PLEKHH1: variants seen among roughly 807,000 people sequenced by gnomAD.
PLEKHH1 encodes pleckstrin homology, MyTH4 and FERM domain containing H1.
A neutral mutation model predicts 160.0 loss-of-function variants in PLEKHH1; 104 were observed. The observed-to-expected ratio is 0.65, with a 90% confidence interval of 0.55 to 0.76. The LOEUF is 0.76. Ranked by LOEUF, PLEKHH1 falls within the 30% of genes least tolerant of loss-of-function variation. The pLI, the probability that PLEKHH1 is intolerant of heterozygous loss-of-function variation, is 0.00. For missense variants in PLEKHH1, 1,427 were observed against 1,724.1 expected (o/e 0.83, Z 3.05); for synonymous variants, 619 against 678.4 (o/e 0.91, Z 1.36).
rs374740302 is a variant in PLEKHH1, at chr14:67,541,880, A to G, written c.13A>G (p.Lys5Glu). The change falls in exon 2 of 29, where the codon AAG becomes GAG. Residue 5 changes from lysine (K) to glutamate (E), a missense_variant. Lys to Glu is a moderately conservative substitution (Grantham distance 56, BLOSUM62 1). Around this residue, in one of 6 missense-constraint regions of PLEKHH1, gnomAD observed 831 missense variants for 929.2 expected, o/e 0.89. Coordinates refer to ENST00000329153, the MANE Select transcript of PLEKHH1 (RefSeq NM_020715.3). Reference protein sequence around the residue: MAELKVEAPASVDWQ... With the variant: MAELEVEAPASVDWQ... ...AGTCGATTCCATCATGGCAGAACTC[A>G]AGGTGGAGGCGCCGGCCAGCGTAGA... The G allele has an allele frequency of 1.2e-6, 2 of 1,601,982 alleles. No homozygotes were observed. Among genetic ancestry groups the G allele is most frequent in the African/African-American group, 2.7e-5 (2 of 74,552 alleles).
At chr14:67,585,798 G>A (rs1240991188) in intron 27 of PLEKHH1, 144 bp downstream of exon 27, 3 of 1,018,978 alleles carry the variant, frequency 2.9e-6, no homozygotes, top group Non-Finnish European at 4.4e-6. Flanking sequence ...CTCTAGTCTA[G>A]ACACTGCTTG....
At chr14:67,572,396 A>T (rs2035431356) in intron 11 of PLEKHH1, 119 bp downstream of exon 11, 49 of 254,340 alleles carry the variant, frequency 1.9e-4, no homozygotes, top group Middle Eastern at 1.2e-3. Flanking sequence ...GAGCTGGGGG[A>T]TGGGGGCAGG....
In PLEKHH1 at chr14:67,581,012, C is replaced by T. The variant is rs776999161; in HGVS notation, c.3258C>T (p.Arg1086=). 3.1e-5 allele frequency: 50 copies of T among 1,611,804 alleles called. No individual in the cohort carries two copies. Among genetic ancestry groups the T allele is most frequent in the Middle Eastern group, 1.6e-4 (1 of 6,074 alleles). The part of the protein sequence containing the change: ...LHPGKSEGGT[R]VVKLMYKNRL... ...CCGGAAAGTCTGAGGGTGGGACACG[C>T]GTCGTGAAGCTGATGTACAAGAACA... The change falls in exon 23 of 29, where the codon CGC becomes CGT. Residue 1086 remains arginine, a synonymous_variant. Coordinates refer to ENST00000329153, the MANE Select transcript of PLEKHH1 (RefSeq NM_020715.3).
intron 2 of PLEKHH1, among the ~76,000 whole-genome samples, chr14:67,547,174 A>C (rs2034214250): frequency 6.6e-6 from 1 of 152,172 alleles, no homozygotes; most frequent in Non-Finnish European, 1.5e-5. Flanking sequence ...AGGCATAGAC[A>C]CGGGAGGAAC....
At position 67,575,047 on chromosome 14, in the gene PLEKHH1, GCCTGCTGTTTT is replaced by G. The variant is rs1451642569; in HGVS notation, c.2089-342_2089-332del. The stretch of plus-strand genomic sequence containing the variant: ...GATGCATGGTTGCCCAAGGGCTTCA[GCCTGCTGTTTT>G]CCCTCCCTCCCTCCCGGCACCCTGA... On this transcript the variant is annotated intron_variant, in intron 14 of 28. Coordinates refer to ENST00000329153, the MANE Select transcript of PLEKHH1 (RefSeq NM_020715.3). Among the ~76,000 whole-genome samples, 4 of 152,314 alleles carry G rather than the reference GCCTGCTGTTTT, an allele frequency of 2.6e-5. No individual in the cohort carries two copies. The East Asian group carries it at 7.7e-4, about 29-fold the overall frequency.
At position 67,569,927 on chromosome 14, in the gene PLEKHH1, G is replaced by A. The variant is rs1331300549; in HGVS notation, c.1349G>A (p.Ser450Asn). ...TCCTCTCTTCCCTGCTCAGCTTCAAGCCCTCCTGCCCTTGTTTCCCCTGGG... is the reference window on the plus strand; with the variant it reads ...TCCTCTCTTCCCTGCTCAGCTTCAAACCCTCCTGCCCTTGTTTCCCCTGGG... ...PRSNTACCAS[S>N]PPALVSPGSF... The change falls in exon 9 of 29, where the codon AGC becomes AAC. Residue 450 changes from serine to asparagine, a missense_variant. Ser to Asn is a conservative substitution (Grantham distance 46, BLOSUM62 1). Around this residue, in one of 6 missense-constraint regions of PLEKHH1, gnomAD observed 831 missense variants for 929.2 expected, o/e 0.89. Coordinates refer to ENST00000329153, the MANE Select transcript of PLEKHH1 (RefSeq NM_020715.3). The A allele has an allele frequency of 1.9e-6, 3 of 1,605,252 alleles. No individual in the cohort carries two copies. The highest frequency in any genetic ancestry group is 3.4e-5 in the Admixed American group (2 of 59,364).
At chr14:67,580,836 A>T in intron 22 of PLEKHH1, 102 bp from the exon 23 acceptor site, 1 of 734,370 alleles carries the variant, frequency 1.4e-6, no homozygotes, top group Non-Finnish European at 2.3e-6. Flanking sequence ...ACTTTTCCTT[A>T]GTTTTCTTTG....
chr14:67,562,795 T>G lies in PLEKHH1; in HGVS notation c.1164T>G (p.Asn388Lys). 1 of 1,613,538 alleles carries G rather than the reference T, an allele frequency of 6.2e-7. No individual in the cohort carries two copies. The highest frequency in any genetic ancestry group is 1.3e-5 in the African/African-American group (1 of 74,946). Residue 388 changes from asparagine (N) to lysine (K), a missense_variant, in exon 7 of 29, where the codon AAT becomes AAG. Physicochemically the swap from Asn to Lys is moderately conservative, Grantham distance 94. Around this residue, in one of 6 missense-constraint regions of PLEKHH1, gnomAD observed 831 missense variants for 929.2 expected, o/e 0.89. Coordinates refer to ENST00000329153, the MANE Select transcript of PLEKHH1 (RefSeq NM_020715.3). ...EMEEPPPAGK[N>K]EERESPKALG... is the part of the protein sequence containing the mutation. ...AGGAGCCACCCCCAGCAGGGAAGAA[T>G]GAGGAAAGAGAGAGCCCAAAGGCCC...
At chr14:67,577,439 C>A in intron 18 of PLEKHH1, 25 bp downstream of exon 18, 1 of 1,392,562 alleles carries the variant, frequency 7.2e-7, no homozygotes, top group Non-Finnish European at 1.0e-6. Context: ...CGGCCAGGCC[C>A]ACCGCTGGGA....
At chr14:67,543,723 T>C (rs1293212631) in intron 2 of PLEKHH1, among the ~76,000 whole-genome samples, 1 of 151,874 alleles carries the variant, frequency 6.6e-6, no homozygotes, top group African/African-American at 2.4e-5. Context: ...CCAGGCAGTC[T>C]GAGATATATC....
chr14:67,544,401 A>G (rs1271039044), intron 2 of PLEKHH1, among the ~76,000 whole-genome samples: 1 of 152,184 alleles, frequency 6.6e-6, no homozygotes, highest in Non-Finnish European at 1.5e-5. Flanking sequence ...CTCTGGAGAC[A>G]CAAGACCTCA....
rs1182494731 is a variant in PLEKHH1 at position 67,578,969 on chromosome 14, G to C, written c.2850-165G>C. On this transcript the variant is annotated intron_variant, in intron 20 of 28. Coordinates refer to ENST00000329153, the MANE Select transcript of PLEKHH1 (RefSeq NM_020715.3). This position sits in a 1 kb window ranked among gnomAD's most constrained non-coding sequence, Gnocchi z 5.0. ...CCATGCCAGCAACCTGCTATATAAAGGTCCTGAATGACAAATTAATGTCCC... is the reference window on the plus strand; with the variant it reads ...CCATGCCAGCAACCTGCTATATAAACGTCCTGAATGACAAATTAATGTCCC... Among the ~76,000 whole-genome samples the C allele has an allele frequency of 6.6e-6, 1 of 152,174 alleles. No homozygotes were observed. The highest frequency in any genetic ancestry group is 2.4e-5 in the African/African-American group (1 of 41,414).
At position 67,588,055 on chromosome 14, in the gene PLEKHH1, T is replaced by G. The variant is rs2036248168; in HGVS notation, c.*820T>G. The G allele has an allele frequency of 6.6e-6, 1 of 152,642 alleles. No homozygotes were observed. Among genetic ancestry groups the G allele is most frequent in the African/African-American group, 2.4e-5 (1 of 41,436 alleles). The allele number at this position is 152,642 out of a possible 1,614,324, so 9.5% of individuals were successfully genotyped here. ...GACTCATTTTTCCCCATTATTGGTA[T>G]GTAGGCATTGGTACAGCCCCTTCTG... On this transcript the variant is annotated 3_prime_UTR_variant, in exon 29 of 29. Transcript: ENST00000329153.
In PLEKHH1 at chr14:67,578,828, C is replaced by G. The variant is rs554438167; in HGVS notation, c.2849+197C>G. Reference sequence around the variant, plus strand: ...GGGCATGCTTAAGCTTCTCTGCACGCCAATCCATGTATCCACGGATGTACT... The same window carrying G: ...GGGCATGCTTAAGCTTCTCTGCACGGCAATCCATGTATCCACGGATGTACT... On this transcript the variant is annotated intron_variant, in intron 20 of 28. Coordinates refer to ENST00000329153, the MANE Select transcript of PLEKHH1 (RefSeq NM_020715.3). The surrounding 1 kb of genome is among the most constrained non-coding windows in gnomAD (Gnocchi z 5.0). 2.6e-5 allele frequency among the ~76,000 whole-genome samples: 4 copies of G among 152,320 alleles called. No individual in the cohort carries two copies. Among genetic ancestry groups the G allele is most frequent in the Admixed American group, 2.6e-4 (4 of 15,304 alleles).
intron 2 of PLEKHH1, among the ~76,000 whole-genome samples, chr14:67,543,068 G>C (rs1436919229): frequency 2.6e-5 from 4 of 152,218 alleles, no homozygotes; most frequent in African/African-American, 9.6e-5. Flanking sequence ...AACCCATCTA[G>C]AGAGTGAAGA....
intron 4 of PLEKHH1, among the ~76,000 whole-genome samples, chr14:67,558,104 TG>T (rs1402753139): frequency 6.6e-6 from 1 of 152,228 alleles, no homozygotes; most frequent in African/African-American, 2.4e-5. Context: ...AGAGGACTTC[TG>T]GAACATCTAC....
At chr14:67,579,085 T>G (rs747665959) in intron 20 of PLEKHH1, 49 bp from the exon 21 acceptor site, 13 of 1,363,394 alleles carry the variant, frequency 9.5e-6, no homozygotes, top group Non-Finnish European at 1.3e-5. Context: ...GGTGCCAAAG[T>G]GGCAGAGATG....
Position 67,580,993 on chromosome 14 carries a change from AG to A in PLEKHH1, c.3240del (p.Lys1080AsnfsTer9). ...GCCATGAAGGAGCTGCACCCCGGAAAGTCTGAGGGTGGGACACGCGTCGTGA... is the reference window on the plus strand; with the variant it reads ...GCCATGAAGGAGCTGCACCCCGGAAATCTGAGGGTGGGACACGCGTCGTGA... Reference protein sequence around the residue: ...EQAMKELHPGKSEGGTRVVKL... With the variant: ...EQAMKELHPGXSEGGTRVVKL... On this transcript the variant is annotated frameshift_variant, in exon 23 of 29. Coordinates refer to ENST00000329153, the MANE Select transcript of PLEKHH1 (RefSeq NM_020715.3). LOFTEE classifies it high-confidence loss of function. 1 of 1,613,632 alleles carries A rather than the reference AG, an allele frequency of 6.2e-7. No homozygotes were observed. The highest frequency in any genetic ancestry group is 8.5e-7 in the Non-Finnish European group (1 of 1,179,554).
At position 67,577,446 on chromosome 14, in the gene PLEKHH1, G is replaced by A. The variant is rs368818725; in HGVS notation, c.2574+32G>A. 6.7e-6 allele frequency: 9 copies of A among 1,334,072 alleles called. No homozygotes were observed. In the African/African-American group the frequency reaches 1.2e-4, roughly 17 times the overall value. 82.6% of individuals were successfully genotyped at this position (1,334,072 alleles called of 1,614,324 possible). A position where few individuals can be genotyped will look rare whatever the true frequency, so the allele number is the denominator to read the frequency against. On this transcript the variant is annotated intron_variant, in intron 18 of 28. Transcript: ENST00000329153. ...TGGGGTGGCGGCCAGGCCCACCGCTGGGATACTTGCAATACTTGGGTGGAG... is the reference window on the plus strand; with the variant it reads ...TGGGGTGGCGGCCAGGCCCACCGCTAGGATACTTGCAATACTTGGGTGGAG...
Sources: allele counts gnomAD v4.1 joint callset (sites outside exome capture counted in the v4.1 genomes callset), GRCh38; gene constraint gnomAD v4.1.1; regional missense constraint gnomAD v4.1.1; non-coding constraint Gnocchi (gnomAD v3.1); transcripts MANE v1.5; gene names NCBI Gene and HGNC (gene_info 2026-07-23, HGNC 2026-07-21).